The following SYF2 variants were observed in gnomAD, a reference collection of about 807,000 sequenced individuals.
SYF2 encodes the protein pre-mRNA-splicing factor SYF2.
In SYF2, 21 loss-of-function variants were observed where a neutral mutation model predicts 32.7. The ratio of observed to expected loss-of-function variants is 0.64; its 90% confidence interval spans 0.45 to 0.92. The LOEUF is 0.92. Ranked by LOEUF, SYF2 falls within the 40% of genes least tolerant of loss-of-function variation. The probability of loss-of-function intolerance (pLI) is 0.00; values close to 1 mark genes in which losing one functional copy is unlikely to be tolerated. For missense variants in SYF2, 278 were observed against 296.5 expected, an observed-to-expected ratio of 0.94 and a Z score of 0.46; for synonymous variants, 114 against 103.9, an observed-to-expected ratio of 1.10 and a Z score of -0.59.
chr1:25,225,320 G>A (rs763079073), intron 5 of SYF2, among the ~76,000 whole-genome samples: 4 of 151,896 alleles, frequency 2.6e-5, no homozygotes, highest in Non-Finnish European at 5.9e-5. Context: ...TTGAGGTCAG[G>A]AGTTCAAGAC....
At chr1:25,228,371 G>T in intron 3 of SYF2, 136 bp from the exon 4 acceptor site, 1 of 768,694 alleles carries the variant, frequency 1.3e-6, no homozygotes, top group Non-Finnish European at 2.1e-6. Flanking sequence ...CACTCACTCT[G>T]TCACGCAGGC....
Position 25,223,330 on chromosome 1 carries a change from T to G in SYF2, c.668A>C (p.Glu223Ala). The G allele has an allele frequency of 6.2e-7, 1 of 1,614,014 alleles. No individual in the cohort carries two copies. The highest frequency in any genetic ancestry group is 8.5e-7 in the Non-Finnish European group (1 of 1,180,000). ...ERNAKFNKKA[E>A]RFYGKYTAEI... ...AGCTGTGTATTTCCCATAGAATCTT[T>G]CAGCTTTCTTGTTGAATTTGGCATT... The change falls in exon 7 of 7, where the codon GAA becomes GCA. Residue 223 changes from glutamate to alanine, a missense_variant. Physicochemically the swap from Glu to Ala is moderately radical, Grantham distance 107 (BLOSUM62 -1). Coordinates refer to ENST00000236273, the MANE Select transcript of SYF2 (RefSeq NM_015484.5).
rs542640117 is a variant in SYF2, at chr1:25,228,016, T to C, written c.376+102A>G. The C allele has an allele frequency of 2.3e-5, 21 of 905,568 alleles. No individual in the cohort carries two copies. The African/African-American group carries it at 3.0e-4, about 13-fold the overall frequency. 56.1% of individuals were successfully genotyped at this position (905,568 alleles called of 1,614,324 possible). A position where few individuals can be genotyped will look rare whatever the true frequency, so the allele number is the denominator to read the frequency against. ...TCTTGGTCTTAAGCCTCATCAAGAA[T>C]ATCCCACGAAGCACAAGAGGCACAT... On this transcript the variant is annotated intron_variant, in intron 4 of 6. Coordinates refer to ENST00000236273, the MANE Select transcript of SYF2 (RefSeq NM_015484.5).
rs182845535 is a variant in SYF2 at position 25,223,492 on chromosome 1, C to G, written c.567-61G>C. 81 of 1,504,562 alleles carry G rather than the reference C, an allele frequency of 5.4e-5. No individual in the cohort carries two copies. In the East Asian group the frequency reaches 1.8e-3, roughly 34 times the overall value. 93.2% of individuals were successfully genotyped at this position (1,504,562 alleles called of 1,614,324 possible). A position where few individuals can be genotyped will look rare whatever the true frequency, so the allele number is the denominator to read the frequency against. On this transcript the variant is annotated intron_variant, in intron 6 of 6. Coordinates refer to ENST00000236273, the MANE Select transcript of SYF2 (RefSeq NM_015484.5). ...GCCTTCTCTTTTGATCTTAATAAAA[C>G]ACAACCAAACAGGAATATAATCACG...
Position 25,226,766 on chromosome 1 carries a change from C to A in SYF2, c.467+676G>T, listed in dbSNP as rs1455166160. Among the ~76,000 whole-genome samples, 14 of 152,290 alleles carry A rather than the reference C, an allele frequency of 9.2e-5. 1 individual carries two copies. In the East Asian group the frequency reaches 1.3e-3, roughly 15 times the overall value. ...GTGGGAGGCCAAGGATGGAGGATCACTTGAGGCCAGGAGTTTGAGACAGCC... is the reference window on the plus strand; with the variant it reads ...GTGGGAGGCCAAGGATGGAGGATCAATTGAGGCCAGGAGTTTGAGACAGCC... On this transcript the variant is annotated intron_variant, in intron 5 of 6. Transcript: ENST00000236273.
chr1:25,232,177 G>A lies in SYF2; in HGVS notation c.59C>T (p.Ala20Val). ...LVDSAEEGSL[A>V]AAAELAAQKR... is the part of the protein sequence containing the mutation. The stretch of plus-strand genomic sequence containing the variant: ...CTGAGCGGCCAGCTCCGCCGCCGCA[G>A]CGAGGGACCCCTCCTCCGCGCTGTC... Residue 20 changes from alanine to valine, a missense_variant, in exon 2 of 7, where the codon GCT becomes GTT. Ala to Val is a moderately conservative substitution (Grantham distance 64). Coordinates refer to ENST00000236273, the MANE Select transcript of SYF2 (RefSeq NM_015484.5). The A allele has an allele frequency of 1.9e-6, 3 of 1,613,952 alleles. No homozygotes were observed. The highest frequency in any genetic ancestry group is 2.5e-6 in the Non-Finnish European group (3 of 1,180,008).
At chr1:25,225,437 A>G (rs1032258972) in intron 5 of SYF2, among the ~76,000 whole-genome samples, 2 of 151,974 alleles carry the variant, frequency 1.3e-5, no homozygotes, top group Non-Finnish European at 2.9e-5. Flanking sequence ...CTGAGGCAGG[A>G]GAAGCACTTG....
Position 25,225,115 on chromosome 1 carries a change from A to G in SYF2, c.468-15T>C. The G allele has an allele frequency of 6.4e-7, 1 of 1,561,684 alleles. No individual in the cohort carries two copies. The highest frequency in any genetic ancestry group is 8.8e-7 in the Non-Finnish European group (1 of 1,132,188). ...ACTCTTCTCCACTGAAAAGGCAGCA[A>G]AATGAACTTACAGTAACACTATAAA... On this transcript the variant is annotated splice_polypyrimidine_tract_variant and intron_variant, in intron 5 of 6. Transcript: ENST00000236273.
intron 6 of SYF2, 100 bp downstream of exon 6, chr1:25,224,902 C>T: frequency 1.1e-6 from 1 of 905,306 alleles, no homozygotes; most frequent in Non-Finnish European, 1.8e-6. Context: ...CAATTTCTAT[C>T]TTTTGAATTC....
At chr1:25,232,294 C>T (rs1638650190) in intron 1 of SYF2, 83 bp from the exon 2 acceptor site, 1 of 1,582,442 alleles carries the variant, frequency 6.3e-7, no homozygotes. Flanking sequence ...CCGGTCCCCA[C>T]AGGCTGGGCC....
intron 6 of SYF2, among the ~76,000 whole-genome samples, chr1:25,224,689 G>C (rs545706759): frequency 5.9e-5 from 9 of 152,164 alleles, no homozygotes; most frequent in Admixed American, 2.0e-4. Context: ...CAACATTCTT[G>C]CTTCTTCAAA....
rs1411034822 is a variant in SYF2 at position 25,232,246 on chromosome 1, G to A, written c.25-35C>T. 6.3e-6 allele frequency: 10 copies of A among 1,595,734 alleles called. No individual in the cohort carries two copies. In the South Asian group the frequency reaches 6.7e-5, roughly 11 times the overall value. On this transcript the variant is annotated intron_variant, in intron 1 of 6. Coordinates refer to ENST00000236273, the MANE Select transcript of SYF2 (RefSeq NM_015484.5). ...GGAGAACTGGCTTCAGGCAGAGCCG[G>A]CTCAGCTTCTCCCAGGACTGCCCAG...
At chr1:25,230,819 ATT>A (rs756377994) in intron 2 of SYF2, 26 of 129,306 alleles carry the variant, frequency 2.0e-4, no homozygotes, top group East Asian at 2.2e-4. Context: ...GGTATCTTAG[ATT>A]TTTTTTTTTT....
At chr1:25,228,342 A>AC in intron 3 of SYF2, 107 bp from the exon 4 acceptor site, 1 of 1,010,630 alleles carries the variant, frequency 9.9e-7, no homozygotes, top group Non-Finnish European at 1.5e-6. Context: ...CTTTAATAGT[A>AC]TTTTTTTAGT....
intron 5 of SYF2, among the ~76,000 whole-genome samples, chr1:25,226,677 A>T (rs911669417): frequency 2.0e-5 from 3 of 152,218 alleles, no homozygotes; most frequent in East Asian, 3.8e-4. Flanking sequence ...AGTAAGCAAT[A>T]AACAGTGCTG....
chr1:25,228,818 CA>C (rs1478796041), intron 3 of SYF2, among the ~76,000 whole-genome samples, 179 bp downstream of exon 3: 7 of 152,130 alleles, frequency 4.6e-5, no homozygotes, highest in Non-Finnish European at 2.9e-5. Flanking sequence ...GATGAGAAAA[CA>C]GAGGTACAGA....
At chr1:25,225,291 G>A (rs1442257057) in intron 5 of SYF2, among the ~76,000 whole-genome samples, 191 bp from the exon 6 acceptor site, 4 of 152,226 alleles carry the variant, frequency 2.6e-5, no homozygotes, top group Middle Eastern at 3.4e-3. Context: ...ACTTTGGGAG[G>A]CCAAGGCAGG....
Position 25,229,107 on chromosome 1 carries a change from A to G in SYF2, c.149T>C (p.Leu50Ser). 6.2e-7 allele frequency: 1 copy of G among 1,612,004 alleles called. No homozygotes were observed. Among genetic ancestry groups the G allele is most frequent in the African/African-American group, 1.3e-5 (1 of 74,834 alleles). ...LHLMRNEARKLNHQEVVEEDK... is the reference protein window; with the variant it reads ...LHLMRNEARKSNHQEVVEEDK... ...TTCTTCCACAACTTCCTGGTGATTT[A>G]ATTTACGAGCTTCATTCTAAAACCG... Residue 50 changes from leucine (L) to serine (S), a missense_variant, in exon 3 of 7, where the codon TTA becomes TCA. Leu to Ser is a moderately radical substitution (Grantham distance 145, BLOSUM62 -2). Coordinates refer to ENST00000236273, the MANE Select transcript of SYF2 (RefSeq NM_015484.5).
chr1:25,224,550 G>A lies in SYF2; in HGVS notation c.566+452C>T, dbSNP rs923085356. 5.6e-4 allele frequency among the ~76,000 whole-genome samples: 85 copies of A among 152,076 alleles called. 3 individuals carry two copies. Among genetic ancestry groups the A allele is most frequent in the African/African-American group, 2.4e-5 (1 of 41,414 alleles). Reference sequence around the variant, plus strand: ...TAGGATTATAGGCAGGAGCCACCACGCCCAGCCCAGACACTATTCTTAATA... The same window carrying A: ...TAGGATTATAGGCAGGAGCCACCACACCCAGCCCAGACACTATTCTTAATA... On this transcript the variant is annotated intron_variant, in intron 6 of 6. Coordinates refer to ENST00000236273, the MANE Select transcript of SYF2 (RefSeq NM_015484.5).
Sources: allele counts gnomAD v4.1 joint callset (sites outside exome capture counted in the v4.1 genomes callset), GRCh38; gene constraint gnomAD v4.1.1; transcripts MANE v1.5; gene names NCBI Gene and HGNC (gene_info 2026-07-23, HGNC 2026-07-21).